The following ELOC variants were observed in gnomAD, a reference collection of about 807,000 sequenced individuals.
The protein encoded by ELOC is elongin-C.
For synonymous variants in ELOC, 40 were observed against 51.3 expected (o/e 0.78, Z 0.94); for missense variants, 38 against 139.0 (o/e 0.27, Z 3.65).
chr8:73,953,255 G>C (rs1408126847), intron 3 of ELOC, among the ~76,000 whole-genome samples: 1 of 147,440 alleles, frequency 6.8e-6, no homozygotes, highest in African/African-American at 2.5e-5. Flanking sequence ...GCGGTGAGTG[G>C]AGACTGTGCC....
chr8:73,958,090 TG>T (rs1449364487), intron 2 of ELOC, among the ~76,000 whole-genome samples: 22 of 136,616 alleles, frequency 1.6e-4, no homozygotes, highest in East Asian at 2.1e-4. Context: ...TATTTATTTA[TG>T]GTTTTTTTTT....
At chr8:73,961,309 G>A (rs1344075016) in intron 1 of ELOC, among the ~76,000 whole-genome samples, 4 of 152,160 alleles carry the variant, frequency 2.6e-5, no homozygotes, top group African/African-American at 9.7e-5. Context: ...GGCCTTAAGA[G>A]AAGGGTCAAG....
chr8:73,965,583 G>A (rs1814918525), intron 1 of ELOC, among the ~76,000 whole-genome samples: 1 of 152,174 alleles, frequency 6.6e-6, no homozygotes, highest in African/African-American at 2.4e-5. Flanking sequence ...ACAAACCAAT[G>A]GTGACAGCTC....
At chr8:73,971,741 C>T (rs1456588680) in intron 1 of ELOC, 1 of 152,156 alleles carries the variant, frequency 6.6e-6, no homozygotes, top group African/African-American at 2.4e-5. Context: ...TCTGAGCGGA[C>T]ACGAGGAACA....
rs554299273 is a variant in ELOC, at chr8:73,961,728, G to A, written c.-50-1910C>T. Among the ~76,000 whole-genome samples, 3 of 152,206 alleles carry A rather than the reference G, an allele frequency of 2.0e-5. No individual in the cohort carries two copies. In the South Asian group the frequency reaches 6.2e-4, roughly 32 times the overall value. ...AGGTTTCGCCATGTTGGCCAGGCTG[G>A]TCTCGAACTCCTGACCTCAGGTGAT... On this transcript the variant is annotated intron_variant, in intron 1 of 3. Transcript: ENST00000520242.
intron 2 of ELOC, 126 bp from the exon 3 acceptor site, chr8:73,956,180 CAGG>C: frequency 1.2e-6 from 1 of 847,826 alleles, no homozygotes; most frequent in Non-Finnish European, 1.8e-6. Flanking sequence ...CACCTGAGGT[CAGG>C]AGTTCAAGAC....
At chr8:73,960,675 G>C (rs1454101215) in intron 1 of ELOC, among the ~76,000 whole-genome samples, 1 of 152,186 alleles carries the variant, frequency 6.6e-6, no homozygotes, top group East Asian at 1.9e-4. Context: ...CATGCTGGAA[G>C]GATGATGCAT....
intron 2 of ELOC, among the ~76,000 whole-genome samples, chr8:73,957,172 CAA>C (rs75391050): frequency 8.2e-4 from 106 of 128,574 alleles, no homozygotes; most frequent in Non-Finnish European, 9.2e-4. Flanking sequence ...GACCCTGTCT[CAA>C]AAAAAAAAAA....
At chr8:73,971,871 G>A (rs1051588329) in intron 1 of ELOC, 1 of 152,268 alleles carries the variant, frequency 6.6e-6, no homozygotes, top group African/African-American at 2.4e-5. Flanking sequence ...CAAACCCACC[G>A]AGCGGCGCCA....
intron 1 of ELOC, among the ~76,000 whole-genome samples, chr8:73,967,393 C>T (rs371560608): frequency 2.0e-5 from 3 of 151,732 alleles, no homozygotes; most frequent in East Asian, 1.9e-4. Context: ...AAGATGTAAA[C>T]GATTGAGTGT....
chr8:73,971,691 C>T (rs1815415074), intron 1 of ELOC, among the ~76,000 whole-genome samples: 1 of 152,088 alleles, frequency 6.6e-6, no homozygotes, highest in Non-Finnish European at 1.5e-5. Flanking sequence ...AGCGAGAGAC[C>T]TCTCCCTGGG....
chr8:73,969,905 C>T (rs1815239959), intron 1 of ELOC, among the ~76,000 whole-genome samples: 1 of 152,184 alleles, frequency 6.6e-6, no homozygotes, highest in African/African-American at 2.4e-5. Context: ...GAAATTCAGG[C>T]ATTACTGGAT....
chr8:73,949,818 A>G (rs1359854563), intron 3 of ELOC, among the ~76,000 whole-genome samples: 1 of 152,266 alleles, frequency 6.6e-6, no homozygotes, highest in Non-Finnish European at 1.5e-5. Flanking sequence ...ACTAAAGATC[A>G]AATTTATAAA....
intron 3 of ELOC, among the ~76,000 whole-genome samples, chr8:73,947,226 A>T (rs1813435198): frequency 6.6e-6 from 1 of 152,122 alleles, no homozygotes; most frequent in Non-Finnish European, 1.5e-5. Flanking sequence ...TGACCTCATG[A>T]TCCACCCACC....
intron 3 of ELOC, among the ~76,000 whole-genome samples, chr8:73,950,946 CA>C (rs777833071): frequency 6.6e-6 from 1 of 152,080 alleles, no homozygotes. Flanking sequence ...TGAAATACTC[CA>C]AAAAAGTAGG....
At chr8:73,950,916 CACA>C (rs1374316944) in intron 3 of ELOC, among the ~76,000 whole-genome samples, 2 of 152,136 alleles carry the variant, frequency 1.3e-5, no homozygotes, top group Admixed American at 6.5e-5. Flanking sequence ...AGTGAAATGG[CACA>C]ACATCAGGCA....
intron 3 of ELOC, among the ~76,000 whole-genome samples, chr8:73,954,441 A>T (rs1016110148): frequency 1.3e-5 from 2 of 150,452 alleles, no homozygotes; most frequent in African/African-American, 4.9e-5. Context: ...GGCGGATCAC[A>T]AGGTCAGATC....
intron 3 of ELOC, among the ~76,000 whole-genome samples, chr8:73,952,666 A>G (rs1350068354): frequency 6.6e-6 from 1 of 151,030 alleles, no homozygotes; most frequent in Non-Finnish European, 1.5e-5. Context: ...CTGTGGTCCC[A>G]GCTACTCGGG....
At position 73,959,780 on chromosome 8, in the gene ELOC, G is replaced by C. The variant is rs751802085; in HGVS notation, c.-12C>G. The C allele has an allele frequency of 1.3e-6, 2 of 1,552,922 alleles. No homozygotes were observed. The highest frequency in any genetic ancestry group is 1.7e-6 in the Non-Finnish European group (2 of 1,150,340). On this transcript the variant is annotated 5_prime_UTR_variant, in exon 2 of 4. Transcript: ENST00000520242. Reference sequence around the variant, plus strand: ...TTTAGCTTACCCATTTTGTTCTTATGAAATTCTACTTTGCTTCCCCAGGAA... The same window carrying C: ...TTTAGCTTACCCATTTTGTTCTTATCAAATTCTACTTTGCTTCCCCAGGAA...
Sources: allele counts gnomAD v4.1 joint callset (sites outside exome capture counted in the v4.1 genomes callset), GRCh38; gene constraint gnomAD v4.1.1; transcripts MANE v1.5; gene names NCBI Gene and HGNC (gene_info 2026-07-23, HGNC 2026-07-21).